Variants in GALNTL6 observed in about 807,000 individuals in gnomAD.
GALNTL6 encodes the protein polypeptide N-acetylgalactosaminyltransferase like 6, also known as polypeptide N-acetylgalactosaminyltransferase-like 6.
GALNTL6 carries 46 observed loss-of-function variants against 73.7 expected under a neutral mutation model. The ratio of observed to expected loss-of-function variants is 0.62; its 90% CI spans 0.49 to 0.80. The LOEUF (loss-of-function observed/expected upper bound fraction) is 0.80. Among genes scored for constraint, GALNTL6 ranks in the 30% least tolerant of loss-of-function variants. The probability of loss-of-function intolerance (pLI) is 0.00; values close to 1 mark genes in which losing one functional copy is unlikely to be tolerated. For synonymous variants in GALNTL6, 259 were observed against 263.7 expected, an observed-to-expected ratio of 0.98 and a Z score of 0.17; for missense variants, 604 against 755.0, an observed-to-expected ratio of 0.80 and a Z score of 2.34.
At chr4:171,895,985 C>T (rs929352083) in intron 2 of GALNTL6, among the ~76,000 whole-genome samples, 8 of 150,436 alleles carry the variant, frequency 5.3e-5, no homozygotes, top group Admixed American at 2.0e-4. Flanking sequence ...AGTCAGTAAA[C>T]CTCAAAATAG....
At chr4:172,517,210 T>G (rs761170506) in intron 5 of GALNTL6, among the ~76,000 whole-genome samples, 1 of 152,160 alleles carries the variant, frequency 6.6e-6, no homozygotes, top group African/African-American at 2.4e-5. Context: ...TTTTTTGAAA[T>G]TATGTAAAGA....
intron 5 of GALNTL6, among the ~76,000 whole-genome samples, chr4:172,735,188 C>A (rs1185257456): frequency 6.6e-6 from 1 of 152,150 alleles, no homozygotes; most frequent in Non-Finnish European, 1.5e-5. Flanking sequence ...ACACTCAACA[C>A]CAGCCCATGA....
At chr4:172,101,135 T>A (rs190684100) in intron 2 of GALNTL6, among the ~76,000 whole-genome samples, 1 of 152,234 alleles carries the variant, frequency 6.6e-6, no homozygotes. Context: ...AGACTGGCAC[T>A]TGTAGAGCCA....
At chr4:171,951,028 A>G (rs970305689) in intron 2 of GALNTL6, among the ~76,000 whole-genome samples, 2 of 152,158 alleles carry the variant, frequency 1.3e-5, no homozygotes, top group African/African-American at 4.8e-5. Context: ...AAACATATCC[A>G]AGTGTATCAG....
intron 5 of GALNTL6, among the ~76,000 whole-genome samples, chr4:172,458,330 C>T (rs546815630): frequency 1.3e-5 from 2 of 151,022 alleles, no homozygotes; most frequent in Admixed American, 1.3e-4. Context: ...CAAGAGCAAA[C>T]AAATTCAAAA....
chr4:172,547,778 C>T (rs1319000428), intron 5 of GALNTL6, among the ~76,000 whole-genome samples: 1 of 152,164 alleles, frequency 6.6e-6, no homozygotes, highest in Non-Finnish European at 1.5e-5. Context: ...AGAAATGTAA[C>T]TTTTCATTCA....
chr4:172,883,267 G>T (rs1214713562), intron 8 of GALNTL6, among the ~76,000 whole-genome samples: 5 of 151,988 alleles, frequency 3.3e-5, no homozygotes, highest in African/African-American at 1.2e-4. Context: ...ATAAATTATT[G>T]TGAACTATAA....
chr4:172,933,444 G>A (rs1301589463), intron 9 of GALNTL6, among the ~76,000 whole-genome samples: 1 of 152,078 alleles, frequency 6.6e-6, no homozygotes. Flanking sequence ...CAGAGAAACT[G>A]GGGTTGGCAC....
chr4:171,880,219 T>C (rs922746547), intron 2 of GALNTL6, among the ~76,000 whole-genome samples: 1 of 152,198 alleles, frequency 6.6e-6, no homozygotes, highest in Non-Finnish European at 1.5e-5. Flanking sequence ...TTCAGCCTGA[T>C]TTGTAGCCTT....
chr4:171,909,011 G>A (rs1317785268), intron 2 of GALNTL6, among the ~76,000 whole-genome samples: 37 of 139,848 alleles, frequency 2.6e-4, no homozygotes, highest in African/African-American at 9.2e-4. Flanking sequence ...GGGGGAGGGA[G>A]GAGGGATAGC....
intron 2 of GALNTL6, among the ~76,000 whole-genome samples, chr4:171,994,196 T>A (rs564550644): frequency 6.6e-5 from 10 of 152,188 alleles, no homozygotes; most frequent in Admixed American, 3.3e-4. Context: ...AACAGCCAAC[T>A]GTAGCACATC....
At chr4:172,300,949 T>C (rs969888234) in intron 3 of GALNTL6, among the ~76,000 whole-genome samples, 1 of 152,180 alleles carries the variant, frequency 6.6e-6, no homozygotes, top group Non-Finnish European at 1.5e-5. Flanking sequence ...CCTGGATAAT[T>C]TCCTGCAGAG....
intron 2 of GALNTL6, among the ~76,000 whole-genome samples, chr4:171,867,234 G>T (rs905961625): frequency 1.6e-4 from 24 of 152,060 alleles, no homozygotes; most frequent in Non-Finnish European, 3.4e-4. Context: ...TCAAATGTTG[G>T]TTCTCCAACA....
intron 9 of GALNTL6, among the ~76,000 whole-genome samples, chr4:172,935,998 A>G (rs1361855282): frequency 2.6e-5 from 4 of 152,214 alleles, no homozygotes; most frequent in Non-Finnish European, 4.4e-5. Flanking sequence ...TTTCTGGCCA[A>G]TATCCCTAAT....
intron 5 of GALNTL6, among the ~76,000 whole-genome samples, chr4:172,792,360 A>C (rs1740044229): frequency 6.6e-6 from 1 of 152,112 alleles, no homozygotes; most frequent in African/African-American, 2.4e-5. Flanking sequence ...TGTACTACAT[A>C]TGTGTGTTTA....
intron 2 of GALNTL6, among the ~76,000 whole-genome samples, chr4:172,025,842 T>A (rs1741556965): frequency 6.6e-6 from 1 of 151,850 alleles, no homozygotes; most frequent in Non-Finnish European, 1.5e-5. Flanking sequence ...TTTATGAAGG[T>A]TTCAGAAAGG....
chr4:172,719,247 C>T (rs1324528928), intron 5 of GALNTL6, among the ~76,000 whole-genome samples: 1 of 152,096 alleles, frequency 6.6e-6, no homozygotes, highest in Non-Finnish European at 1.5e-5. Context: ...CAGAAACAAG[C>T]ATGAATTTTC....
At chr4:172,968,461 A>C (rs1443361301) in intron 10 of GALNTL6, among the ~76,000 whole-genome samples, 2 of 151,966 alleles carry the variant, frequency 1.3e-5, no homozygotes, top group Non-Finnish European at 2.9e-5. Flanking sequence ...TCTGAGAAAC[A>C]CTCCAAAGTA....
intron 5 of GALNTL6, among the ~76,000 whole-genome samples, chr4:172,697,697 C>T (rs1733778198): frequency 6.6e-6 from 1 of 152,138 alleles, no homozygotes; most frequent in Non-Finnish European, 1.5e-5. Context: ...GAATACGATG[C>T]TTGCAAGGTA....
Sources: gnomAD v4.1 joint callset for allele counts (sites outside exome capture counted in the v4.1 genomes callset) on GRCh38, gnomAD v4.1.1 for gene constraint, MANE v1.5 for transcripts, NCBI Gene and HGNC (gene_info 2026-07-23, HGNC 2026-07-21) for gene names.